MCF2L2: variants seen among roughly 807,000 people sequenced by gnomAD.
The protein encoded by MCF2L2 is MCF.2 cell line derived transforming sequence-like 2, also known as probable guanine nucleotide exchange factor MCF2L2.
A neutral mutation model predicts 150.2 loss-of-function variants in MCF2L2; 102 were observed. The observed-to-expected ratio is 0.68, with a 90% CI of 0.58 to 0.80. The LOEUF is 0.80. Among genes scored for constraint, MCF2L2 ranks in the 30% least tolerant of loss-of-function variants. MCF2L2 has a pLI of 0.00. For synonymous variants in MCF2L2, 465 were observed against 491.3 expected (o/e 0.95, Z 0.71); for missense variants, 1,256 against 1,372.8 (o/e 0.91, Z 1.34).
intron 3 of MCF2L2, chr3:183,375,095 G>A (rs1713121132): frequency 2.0e-5 from 3 of 152,160 alleles, no homozygotes; most frequent in African/African-American, 4.8e-5. Context: ...ATGCTTTGAT[G>A]TTCTCACACA....
At chr3:183,209,973 C>G (rs1161329832) in intron 22 of MCF2L2, among the ~76,000 whole-genome samples, 2 of 151,762 alleles carry the variant, frequency 1.3e-5, no homozygotes, top group Non-Finnish European at 2.9e-5. Context: ...TGGCCTCAAG[C>G]ATTTTGGCTA....
chr3:183,302,991 G>A (rs1400939967), intron 10 of MCF2L2, among the ~76,000 whole-genome samples: 3 of 151,848 alleles, frequency 2.0e-5, no homozygotes, highest in African/African-American at 7.3e-5. Flanking sequence ...TCAGGAGATC[G>A]AGACCATCCT....
At chr3:183,354,006 G>A (rs1021206877) in intron 3 of MCF2L2, among the ~76,000 whole-genome samples, 8 of 151,894 alleles carry the variant, frequency 5.3e-5, no homozygotes, top group African/African-American at 1.9e-4. Context: ...CTTCTTCTTG[G>A]CCAAGTGGAT....
intron 5 of MCF2L2, among the ~76,000 whole-genome samples, chr3:183,327,316 C>T (rs1052936687): frequency 2.0e-5 from 3 of 152,008 alleles, no homozygotes; most frequent in African/African-American, 7.3e-5. Context: ...GAGAATGAGA[C>T]TCTGTCTCAA....
intron 3 of MCF2L2, among the ~76,000 whole-genome samples, chr3:183,353,097 T>C (rs1711573265): frequency 6.6e-6 from 1 of 152,258 alleles, no homozygotes; most frequent in Non-Finnish European, 1.5e-5. Context: ...TTTATTATAC[T>C]AGTCTGTTGG....
chr3:183,414,181 T>C (rs1452001657), intron 1 of MCF2L2, among the ~76,000 whole-genome samples: 1 of 152,212 alleles, frequency 6.6e-6, no homozygotes, highest in Non-Finnish European at 1.5e-5. Context: ...GTTGGTAGAA[T>C]TCATGTGAAG....
chr3:183,361,719 T>C (rs1212475560), intron 3 of MCF2L2, among the ~76,000 whole-genome samples: 2 of 152,248 alleles, frequency 1.3e-5, no homozygotes, highest in Non-Finnish European at 2.9e-5. Flanking sequence ...ACAGTTACTC[T>C]GAACACATTA....
intron 19 of MCF2L2, among the ~76,000 whole-genome samples, chr3:183,223,779 C>T (rs1160251933): frequency 6.6e-6 from 1 of 152,194 alleles, no homozygotes; most frequent in Non-Finnish European, 1.5e-5. Flanking sequence ...CTGCCAGAGT[C>T]TATTCAGGCC....
rs1443227577 is a variant in MCF2L2, at chr3:183,311,045, G to A, written c.879-16C>T. On this transcript the variant is annotated splice_polypyrimidine_tract_variant and intron_variant, in intron 8 of 29. Transcript: ENST00000328913. ...AACTAATAACCTTTCAAGAAAGAATGAGAAAGTGATGTTAGGTTAGCATTC... is the reference window on the plus strand; with the variant it reads ...AACTAATAACCTTTCAAGAAAGAATAAGAAAGTGATGTTAGGTTAGCATTC... 1 of 1,506,122 alleles carries A rather than the reference G, an allele frequency of 6.6e-7. No homozygotes were observed. Among genetic ancestry groups the A allele is most frequent in the South Asian group, 1.1e-5 (1 of 88,666 alleles). 93.3% of individuals were successfully genotyped at this position (1,506,122 alleles called of 1,614,324 possible).
At chr3:183,310,721 G>A in intron 9 of MCF2L2, 194 bp downstream of exon 9, 1 of 569,556 alleles carries the variant, frequency 1.8e-6, no homozygotes, top group Non-Finnish European at 3.1e-6. Context: ...AGGTAAATGG[G>A]ATTCTAGAAC....
chr3:183,417,436 TTTTG>T (rs1251387163), intron 1 of MCF2L2, among the ~76,000 whole-genome samples: 1 of 152,296 alleles, frequency 6.6e-6, no homozygotes, highest in African/African-American at 2.4e-5. Flanking sequence ...CCATTTGTAC[TTTTG>T]TTTAACATAA....
Position 183,341,548 on chromosome 3 carries a change from G to C in MCF2L2, c.358C>G (p.Arg120Gly), listed in dbSNP as rs201535680. The C allele has an allele frequency of 6.2e-7, 1 of 1,608,864 alleles. No individual in the cohort carries two copies. The highest frequency in any genetic ancestry group is 8.5e-7 in the Non-Finnish European group (1 of 1,175,222). Residue 120 changes from arginine to glycine, a missense_variant, in exon 4 of 30, where the codon CGA becomes GGA. By Grantham distance (125) the Arg-to-Gly change is moderately radical. Coordinates refer to ENST00000328913, the MANE Select transcript of MCF2L2 (RefSeq NM_015078.4). ...KWSSVKASLT[R>G]IAVAFPGNLQ... ...CAAAAATAAATATTTACAGCTATTCGTGTCAAGGATGCCTTTACGGAGCTC... is the reference window on the plus strand; with the variant it reads ...CAAAAATAAATATTTACAGCTATTCCTGTCAAGGATGCCTTTACGGAGCTC...
At chr3:183,204,162 A>C (rs1008404050) in intron 25 of MCF2L2, among the ~76,000 whole-genome samples, 2 of 152,128 alleles carry the variant, frequency 1.3e-5, no homozygotes, top group Non-Finnish European at 2.9e-5. Flanking sequence ...AAAACTATAA[A>C]CTCTTTGCAA....
In MCF2L2 at chr3:183,228,149, A is replaced by G. The variant is rs1723417258; in HGVS notation, c.2115+148T>C. On this transcript the variant is annotated intron_variant, in intron 18 of 29. Transcript: ENST00000328913. ...TATAGTTTGAATATATGCAATTTTT[A>G]TTTACCAATTATACTTCAGTAAAGC... is the stretch of plus-strand genomic sequence containing the variant. 6.5e-6 allele frequency: 4 copies of G among 615,644 alleles called. 1 individual carries two copies. Among genetic ancestry groups the G allele is most frequent in the Admixed American group, 5.7e-5 (2 of 34,844 alleles). The allele number at this position is 615,644 out of a possible 1,614,324, so 38.1% of individuals were successfully genotyped here. A position where few individuals can be genotyped will look rare whatever the true frequency, so the allele number is the denominator to read the frequency against.
chr3:183,234,812 G>A, intron 15 of MCF2L2, among the ~76,000 whole-genome samples: 1 of 124,018 alleles, frequency 8.1e-6, no homozygotes, highest in African/African-American at 3.2e-5. Context: ...GTGTCATCTA[G>A]CATTAGGTAT....
At chr3:183,250,664 G>A (rs891170568) in intron 15 of MCF2L2, among the ~76,000 whole-genome samples, 3 of 152,144 alleles carry the variant, frequency 2.0e-5, no homozygotes, top group Non-Finnish European at 2.9e-5. Flanking sequence ...AGGAGCATGT[G>A]TGCGGAGAAG....
intron 11 of MCF2L2, 67 bp from the exon 12 acceptor site, chr3:183,297,234 G>C (rs1034806338): frequency 7.4e-7 from 1 of 1,348,656 alleles, no homozygotes; most frequent in Non-Finnish European, 1.0e-6. Flanking sequence ...GTAATCCTCA[G>C]CAGGTCTGAG....
At chr3:183,234,311 A>G (rs35043208) in intron 15 of MCF2L2, among the ~76,000 whole-genome samples, 49,831 of 152,064 alleles carry the variant, frequency 0.33, 8,468 homozygotes, top group African/African-American at 0.41. Flanking sequence ...CAGGAGGTGG[A>G]CAGAAGTCAA....
intron 5 of MCF2L2, among the ~76,000 whole-genome samples, chr3:183,323,806 A>T (rs548304437): frequency 6.6e-6 from 1 of 151,984 alleles, no homozygotes; most frequent in South Asian, 2.1e-4. Flanking sequence ...AAAAAAAAAA[A>T]AAAAGTTACT....
Sources: allele counts gnomAD v4.1 joint callset (sites outside exome capture counted in the v4.1 genomes callset), GRCh38; gene constraint gnomAD v4.1.1; transcripts MANE v1.5; gene names NCBI Gene and HGNC (gene_info 2026-07-23, HGNC 2026-07-21).